Variants in DCLK1 observed in about 807,000 individuals in gnomAD.
DCLK1 encodes doublecortin like kinase 1.
A neutral mutation model predicts 86.2 loss-of-function variants in DCLK1; 16 were observed. The observed-to-expected ratio is 0.19, with a 90% confidence interval of 0.13 to 0.28. The LOEUF (loss-of-function observed/expected upper bound fraction) is 0.28. DCLK1 is among the 10% of genes least tolerant of loss of function. The pLI is 1.00. For missense variants in DCLK1, 590 were observed against 940.2 expected (o/e 0.63, Z 4.87); for synonymous variants, 369 against 370.5 (o/e 1.00, Z 0.05).
intron 6 of DCLK1, chr13:35,846,845 T>C (rs1244270691): frequency 1.0e-6 from 1 of 985,014 alleles, no homozygotes; most frequent in Non-Finnish European, 1.2e-6. Context: ...TGTAGATATA[T>C]ACACACATAC....
intron 4 of DCLK1, among the ~76,000 whole-genome samples, chr13:35,888,970 C>G (rs1172693896): frequency 5.3e-5 from 8 of 152,118 alleles, no homozygotes; most frequent in Admixed American, 4.6e-4. Context: ...TAAAGACACT[C>G]AATCTCACAT....
In DCLK1 at chr13:35,910,579, C is replaced by T. The variant is rs569406312; in HGVS notation, c.823+36779G>A. On this transcript the variant is annotated intron_variant, in intron 4 of 16. Transcript: ENST00000360631. Reference sequence around the variant, plus strand: ...CTTAGAACATAGAGTTCCTTAAAACCGAACATGTCTGGGATGACCAAATCC... The same window carrying T: ...CTTAGAACATAGAGTTCCTTAAAACTGAACATGTCTGGGATGACCAAATCC... Among the ~76,000 whole-genome samples the T allele has an allele frequency of 4.6e-5, 7 of 152,256 alleles. 1 individual carries two copies. The South Asian group carries it at 8.3e-4, about 18-fold the overall frequency.
intron 3 of DCLK1, among the ~76,000 whole-genome samples, chr13:35,985,947 A>T (rs1191651140): frequency 6.6e-6 from 1 of 152,214 alleles, no homozygotes; most frequent in Non-Finnish European, 1.5e-5. Context: ...TAAAAAGTCC[A>T]AACAATCGTA....
chr13:36,046,984 C>G (rs1437056081), intron 3 of DCLK1, among the ~76,000 whole-genome samples: 1 of 152,110 alleles, frequency 6.6e-6, no homozygotes, highest in African/African-American at 2.4e-5. Context: ...AACTCAATTG[C>G]AAGAAAACAC....
At chr13:36,093,010 C>T (rs1347084118) in intron 3 of DCLK1, among the ~76,000 whole-genome samples, 1 of 152,028 alleles carries the variant, frequency 6.6e-6, no homozygotes, top group African/African-American at 2.4e-5. Flanking sequence ...GTATTGTTAA[C>T]ATCACTGATA....
At chr13:36,013,969 C>G (rs969908835) in intron 3 of DCLK1, among the ~76,000 whole-genome samples, 1 of 151,800 alleles carries the variant, frequency 6.6e-6, no homozygotes, top group Non-Finnish European at 1.5e-5. Context: ...GCACAATATT[C>G]GCCAGGTGCG....
At chr13:36,001,190 C>T (rs775836735) in intron 3 of DCLK1, among the ~76,000 whole-genome samples, 3 of 152,132 alleles carry the variant, frequency 2.0e-5, no homozygotes, top group Non-Finnish European at 4.4e-5. Context: ...TCAGGTGATC[C>T]ACCCACTTCG....
At chr13:35,977,466 C>T (rs1303580461) in intron 3 of DCLK1, among the ~76,000 whole-genome samples, 1 of 152,186 alleles carries the variant, frequency 6.6e-6, no homozygotes, top group Non-Finnish European at 1.5e-5. Flanking sequence ...ATGACTATCA[C>T]GAAGCCCTTT....
chr13:36,089,468 C>T (rs1415399076), intron 3 of DCLK1, among the ~76,000 whole-genome samples: 1 of 152,184 alleles, frequency 6.6e-6, no homozygotes, highest in Non-Finnish European at 1.5e-5. Flanking sequence ...CTGTGCAGCA[C>T]TCAACTATTC....
chr13:35,956,930 T>G (rs1028110921), intron 3 of DCLK1, among the ~76,000 whole-genome samples: 2 of 152,184 alleles, frequency 1.3e-5, no homozygotes, highest in Non-Finnish European at 2.9e-5. Flanking sequence ...ATTCAGTCCA[T>G]TCAAAAGCAT....
intron 3 of DCLK1, among the ~76,000 whole-genome samples, chr13:36,004,767 A>G (rs1433593652): frequency 1.3e-5 from 2 of 152,122 alleles, no homozygotes; most frequent in Non-Finnish European, 2.9e-5. Context: ...TCGTAGAAAC[A>G]GGGTTTTGCC....
intron 6 of DCLK1, chr13:35,846,617 A>G: frequency 1.0e-6 from 1 of 985,360 alleles, no homozygotes; most frequent in Non-Finnish European, 1.2e-6. Context: ...TTTTCAACTG[A>G]CAGTACAACA....
intron 4 of DCLK1, among the ~76,000 whole-genome samples, chr13:35,901,088 T>C (rs547784970): frequency 3.9e-5 from 6 of 152,132 alleles, no homozygotes. Flanking sequence ...GGAAATAAAA[T>C]TAATTCAGTA....
intron 16 of DCLK1, chr13:35,788,097 C>T: frequency 1.1e-6 from 1 of 947,996 alleles, no homozygotes; most frequent in Non-Finnish European, 1.7e-6. Flanking sequence ...GATAAAGCAG[C>T]ATATGGACTG....
intron 13 of DCLK1, among the ~76,000 whole-genome samples, chr13:35,808,551 G>A (rs987527542): frequency 3.3e-5 from 5 of 152,222 alleles, no homozygotes; most frequent in Admixed American, 1.3e-4. Context: ...AGGAGACTGA[G>A]GCAGGTAGAT....
intron 3 of DCLK1, among the ~76,000 whole-genome samples, chr13:36,051,720 T>G (rs752899872): frequency 6.6e-6 from 1 of 152,264 alleles, no homozygotes; most frequent in East Asian, 1.9e-4. Flanking sequence ...TTTACAGTAG[T>G]GAAAAATCAA....
intron 6 of DCLK1, chr13:35,848,157 C>T (rs977100921): frequency 1.2e-5 from 12 of 985,096 alleles, no homozygotes; most frequent in East Asian, 1.1e-4. Context: ...GACAAAACTG[C>T]GTGGCTTTTG....
At chr13:35,985,553 C>T (rs538473730) in intron 3 of DCLK1, among the ~76,000 whole-genome samples, 1 of 152,262 alleles carries the variant, frequency 6.6e-6, no homozygotes, top group African/African-American at 2.4e-5. Context: ...TTGCAATTAG[C>T]AAAGGGTAAG....
At chr13:35,778,821 A>G (rs1170941528) in intron 16 of DCLK1, among the ~76,000 whole-genome samples, 1 of 152,164 alleles carries the variant, frequency 6.6e-6, no homozygotes, top group Non-Finnish European at 1.5e-5. Context: ...TGAATCTTTC[A>G]GGCTATGTAA....
Sources: allele counts gnomAD v4.1 joint callset (sites outside exome capture counted in the v4.1 genomes callset), GRCh38; gene constraint gnomAD v4.1.1; transcripts MANE v1.5; gene names NCBI Gene and HGNC (gene_info 2026-07-23, HGNC 2026-07-21).